PCDHGA2: variants seen among roughly 807,000 people sequenced by gnomAD.
PCDHGA2 encodes the protein protocadherin gamma-A2.
In PCDHGA2, 40 loss-of-function variants were observed where a neutral mutation model predicts 59.2. The ratio of observed to expected loss-of-function variants is 0.68; its 90% CI spans 0.52 to 0.88. The LOEUF is 0.88. PCDHGA2 is among the 40% of genes least tolerant of loss of function. The probability of loss-of-function intolerance (pLI) is 0.00; values close to 1 mark genes in which losing one functional copy is unlikely to be tolerated. For missense variants in PCDHGA2, 1,226 were observed against 1,204.0 expected (o/e 1.02, Z -0.27); for synonymous variants, 560 against 526.0 (o/e 1.06, Z -0.89).
intron 1 of PCDHGA2, chr5:141,350,726 G>T (rs766918088): frequency 2.3e-5 from 37 of 1,613,838 alleles, no homozygotes; most frequent in Admixed American, 5.0e-5. Context: ...TTCTGCTCAA[G>T]ATGCAGATGT....
chr5:141,364,059 A>G (rs951709303), intron 1 of PCDHGA2, among the ~76,000 whole-genome samples: 1 of 152,254 alleles, frequency 6.6e-6, no homozygotes, highest in African/African-American at 2.4e-5. Flanking sequence ...AAATAAAATT[A>G]TAACTAAACT....
intron 1 of PCDHGA2, chr5:141,420,939 C>A: frequency 2.6e-6 from 1 of 387,512 alleles, no homozygotes; most frequent in South Asian, 5.2e-5. Context: ...GTAATCATTT[C>A]TTCTGGAATT....
chr5:141,345,713 C>T (rs762169272), intron 1 of PCDHGA2: 44 of 1,614,120 alleles, frequency 2.7e-5, no homozygotes, highest in Non-Finnish European at 3.5e-5. Context: ...ACAACGCGCC[C>T]GAGATCCTGT....
chr5:141,413,806 A>C, intron 1 of PCDHGA2: 1 of 1,613,168 alleles, frequency 6.2e-7, no homozygotes. Flanking sequence ...GGAAGAGGCC[A>C]TTCACCACCT....
At chr5:141,360,150 A>G (rs1761441721) in intron 1 of PCDHGA2, 2 of 1,602,638 alleles carry the variant, frequency 1.2e-6, no homozygotes, top group Admixed American at 3.4e-5. Flanking sequence ...AAGCGAGCTC[A>G]GGGAGGTGCG....
At chr5:141,468,402 T>A (rs2154569909) in intron 1 of PCDHGA2, 1 of 150,014 alleles carries the variant, frequency 6.7e-6, no homozygotes, top group East Asian at 2.0e-4. Context: ...TGGTGAGAAC[T>A]AATAATAAGT....
intron 1 of PCDHGA2, chr5:141,427,495 C>T: frequency 1.8e-6 from 1 of 562,648 alleles, no homozygotes; most frequent in South Asian, 1.5e-5. Flanking sequence ...AAGCTTGTAA[C>T]AGATGGGACC....
In PCDHGA2 at chr5:141,512,845, A is replaced by G. The variant is rs1166488780; in HGVS notation, c.*1672A>G. On this transcript the variant is annotated 3_prime_UTR_variant, in exon 4 of 4. Coordinates refer to ENST00000394576, the MANE Select transcript of PCDHGA2 (RefSeq NM_018915.4). ...CTCCCCCGTACTGACTTCTCCTATA[A>G]GCGCTTCTCTTCGCATAGTCACGTA... The G allele has an allele frequency of 6.6e-6, 1 of 152,156 alleles. No individual in the cohort carries two copies. Among genetic ancestry groups the G allele is most frequent in the African/African-American group, 2.4e-5 (1 of 41,380 alleles). 9.4% of individuals were successfully genotyped at this position (152,156 alleles called of 1,614,324 possible).
At chr5:141,415,318 C>T (rs1324377536) in intron 1 of PCDHGA2, 4 of 1,614,252 alleles carry the variant, frequency 2.5e-6, no homozygotes, top group Admixed American at 1.7e-5. Flanking sequence ...CGTCATCGTG[C>T]TGCTGGCGCA....
intron 1 of PCDHGA2, chr5:141,410,354 T>C (rs2095384532): frequency 3.7e-6 from 6 of 1,614,048 alleles, no homozygotes; most frequent in Non-Finnish European, 5.1e-6. Context: ...CCTGCGACGC[T>C]CTCTCAGCCC....
At chr5:141,373,821 G>C (rs1268202879) in intron 1 of PCDHGA2, 1 of 364,140 alleles carries the variant, frequency 2.7e-6, no homozygotes, top group African/African-American at 2.1e-5. Flanking sequence ...TTCACAAAAC[G>C]ATGCAGTATT....
At chr5:141,355,552 C>T (rs182004159) in intron 1 of PCDHGA2, 1 of 1,613,938 alleles carries the variant, frequency 6.2e-7, no homozygotes. Flanking sequence ...GAAGATTTTG[C>T]GGGTAGAGGT....
intron 1 of PCDHGA2, chr5:141,399,585 T>C (rs1452769752): frequency 6.2e-7 from 1 of 1,613,984 alleles, no homozygotes; most frequent in South Asian, 1.1e-5. Context: ...TCTCCTACTC[T>C]ATCATGGCCA....
intron 1 of PCDHGA2, chr5:141,393,020 A>G: frequency 2.5e-6 from 4 of 1,613,760 alleles, no homozygotes; most frequent in Non-Finnish European, 3.4e-6. Flanking sequence ...TCGTCTCCAG[A>G]GGTAGGACGC....
At chr5:141,384,244 C>T in intron 1 of PCDHGA2, 1 of 1,613,828 alleles carries the variant, frequency 6.2e-7, no homozygotes, top group Middle Eastern at 1.6e-4. Flanking sequence ...CAACGATAAC[C>T]CACCCACCTT....
chr5:141,458,609 A>T (rs1037852455), intron 1 of PCDHGA2, among the ~76,000 whole-genome samples: 1 of 152,004 alleles, frequency 6.6e-6, no homozygotes, highest in Non-Finnish European at 1.5e-5. Flanking sequence ...TCACTCTGTC[A>T]GCCAGGCTGG....
intron 1 of PCDHGA2, chr5:141,430,960 C>T (rs2097330619): frequency 6.2e-7 from 1 of 1,612,432 alleles, no homozygotes; most frequent in Non-Finnish European, 8.5e-7. Context: ...TCCGCATCAT[C>T]CCCAGAGGTA....
chr5:141,431,604 G>C lies in PCDHGA2; in HGVS notation c.2425-63203G>C. 1 of 1,614,206 alleles carries C rather than the reference G, an allele frequency of 6.2e-7. No individual in the cohort carries two copies. Among genetic ancestry groups the C allele is most frequent in the South Asian group, 1.1e-5 (1 of 91,088 alleles). On this transcript the variant is annotated intron_variant, in intron 1 of 3. Coordinates refer to ENST00000394576, the MANE Select transcript of PCDHGA2 (RefSeq NM_018915.4). The surrounding 1 kb of genome is among the most constrained non-coding windows in gnomAD (Gnocchi z 4.8). ...AATGCGGAAGTGAGGTATTCCTTCC[G>C]GTATGTGGACGACAAGGCGGCCCAA...
Position 141,340,019 on chromosome 5 carries a change from A to T in PCDHGA2, c.1048A>T (p.Thr350Ser), listed in dbSNP as rs1026674941. The change falls in exon 1 of 4, where the codon ACA becomes TCA. Residue 350 changes from threonine to serine, a missense_variant. Coordinates refer to ENST00000394576, the MANE Select transcript of PCDHGA2 (RefSeq NM_018915.4). The part of the protein sequence containing the change: ...VNDNAPEFYM[T>S]SATSSVSEDS... ...TGACAATGCCCCAGAATTTTACATG[A>T]CATCTGCTACTAGCTCAGTTTCTGA... 1 of 1,614,188 alleles carries T rather than the reference A, an allele frequency of 6.2e-7. No homozygotes were observed. Among genetic ancestry groups the T allele is most frequent in the Non-Finnish European group, 8.5e-7 (1 of 1,180,028 alleles).
Sources: allele counts gnomAD v4.1 joint callset (sites outside exome capture counted in the v4.1 genomes callset), GRCh38; gene constraint gnomAD v4.1.1; non-coding constraint Gnocchi (gnomAD v3.1); transcripts MANE v1.5; gene names NCBI Gene and HGNC (gene_info 2026-07-23, HGNC 2026-07-21).